The following MIA2 variants were observed in gnomAD, a reference collection of about 807,000 sequenced individuals.
The protein encoded by MIA2 is melanoma inhibitory activity protein 2.
In MIA2, 127 loss-of-function variants were observed where a neutral mutation model predicts 167.8. That is an observed-to-expected ratio of 0.76 (90% CI 0.66 to 0.88). The LOEUF is 0.88. Among genes scored for constraint, MIA2 ranks in the 40% least tolerant of loss-of-function variants. The pLI is 0.00. For missense variants in MIA2, 1,690 were observed against 1,624.7 expected (o/e 1.04, Z -0.69); for synonymous variants, 552 against 541.9 (o/e 1.02, Z -0.26).
chr14:39,384,856 A>T (rs572578674), intron 23 of MIA2, among the ~76,000 whole-genome samples: 4 of 152,146 alleles, frequency 2.6e-5, no homozygotes, highest in Non-Finnish European at 5.9e-5. Flanking sequence ...CTTAATTTTA[A>T]AGTTGGGAAA....
At chr14:39,364,900 A>G (rs2074783884) in intron 23 of MIA2, among the ~76,000 whole-genome samples, 2 of 151,598 alleles carry the variant, frequency 1.3e-5, no homozygotes, top group Admixed American at 1.3e-4. Flanking sequence ...TTGACTTTAA[A>G]CAGTTTGACT....
intron 14 of MIA2, 30 bp downstream of exon 14, chr14:39,300,016 A>G: frequency 1.9e-6 from 3 of 1,575,114 alleles, no homozygotes; most frequent in Non-Finnish European, 2.6e-6. Context: ...TTAGTGATCA[A>G]GTTGGCTAGA....
At chr14:39,267,761 G>A (rs1298277628) in intron 6 of MIA2, among the ~76,000 whole-genome samples, 1 of 152,224 alleles carries the variant, frequency 6.6e-6, no homozygotes, top group Non-Finnish European at 1.5e-5. Flanking sequence ...GAAAGCACTT[G>A]CTTAGCTGGA....
rs528362138 is a variant in MIA2 at position 39,279,341 on chromosome 14, G to A, written c.2024G>A (p.Arg675Lys). 1.2e-6 allele frequency: 2 copies of A among 1,607,108 alleles called. No individual in the cohort carries two copies. The highest frequency in any genetic ancestry group is 4.5e-5 in the East Asian group (2 of 44,784). Residue 675 changes from arginine to lysine, a missense_variant, in exon 8 of 29, where the codon AGG (arginine) becomes AAG (lysine). Physicochemically the swap from Arg to Lys is conservative, Grantham distance 26. Coordinates refer to ENST00000640607, the MANE Select transcript of MIA2 (RefSeq NM_001329214.4). Reference sequence around the variant, plus strand: ...TTTGTTAAAAATTTGTTTCAGGTTAGGAGTCGGCTTTATGTGGGTAAGTTC... The same window carrying A: ...TTTGTTAAAAATTTGTTTCAGGTTAAGAGTCGGCTTTATGTGGGTAAGTTC... ...FFLWRSFRSV[R>K]SRLYVGREKK...
At chr14:39,288,452 TATATATATATATATATATATATA>T (rs1164960996) in intron 9 of MIA2, among the ~76,000 whole-genome samples, 408 of 14,744 alleles carry the variant, frequency 0.028, 20 homozygotes, top group East Asian at 0.1. Flanking sequence ...TATATATATA[TATATATATATATATATATATATA>T]TTTTTTTTTT....
chr14:39,358,127 G>A (rs2074578181), intron 23 of MIA2, among the ~76,000 whole-genome samples: 1 of 152,134 alleles, frequency 6.6e-6, no homozygotes, highest in Non-Finnish European at 1.5e-5. Context: ...AAGTTCTCCT[G>A]GATAATATCC....
Position 39,248,095 on chromosome 14 carries a change from A to G in MIA2, c.1521A>G (p.Thr507=). ...TGEFSIDNYP[T]DNTKVMIFKS... ...AATTTTCCATTGATAATTATCCCAC[A>G]GATAATACAAAAGTTATGATATTCA... The change falls in exon 4 of 29, where the codon ACA becomes ACG. Residue 507 remains threonine (T), a synonymous_variant. Coordinates refer to ENST00000640607, the MANE Select transcript of MIA2 (RefSeq NM_001329214.4). 2 of 1,545,934 alleles carry G rather than the reference A, an allele frequency of 1.3e-6. No individual in the cohort carries two copies. The highest frequency in any genetic ancestry group is 4.4e-5 in the Admixed American group (2 of 45,228).
chr14:39,315,974 T>TA (rs1041113057), intron 21 of MIA2, among the ~76,000 whole-genome samples: 1 of 152,214 alleles, frequency 6.6e-6, no homozygotes, highest in African/African-American at 2.4e-5. Flanking sequence ...GGGAAGGTGA[T>TA]ATAATGTTCA....
chr14:39,239,668 G>A (rs2053953688), intron 2 of MIA2, among the ~76,000 whole-genome samples: 1 of 152,158 alleles, frequency 6.6e-6, no homozygotes, highest in African/African-American at 2.4e-5. Context: ...GGCAAAGAAA[G>A]CATTCTTTTT....
Position 39,314,791 on chromosome 14 carries a change from C to T in MIA2, c.3172C>T (p.Gln1058Ter), listed in dbSNP as rs536600046. ...EELERTIHSYQGQIISHEKKA... is the reference protein window; with the variant it reads ...EELERTIHSY Reference sequence around the variant, plus strand: ...ATTGGAGAGAACTATTCATTCTTATCAAGGGCAGGTATATATATATGTGTG... The same window carrying T: ...ATTGGAGAGAACTATTCATTCTTATTAAGGGCAGGTATATATATATGTGTG... The change falls in exon 20 of 29, where the codon CAA becomes TAA. Residue 1058 changes from glutamine to a stop codon, truncating the protein, a stop_gained. Coordinates refer to ENST00000640607, the MANE Select transcript of MIA2 (RefSeq NM_001329214.4). LOFTEE classifies it high-confidence loss of function. The T allele has an allele frequency of 6.6e-7, 1 of 1,526,438 alleles. No individual in the cohort carries two copies. The highest frequency in any genetic ancestry group is 8.9e-7 in the Non-Finnish European group (1 of 1,120,882). 94.6% of individuals were successfully genotyped at this position (1,526,438 alleles called of 1,614,324 possible). A position where few individuals can be genotyped will look rare whatever the true frequency, so the allele number is the denominator to read the frequency against.
rs1022668629 is a variant in MIA2 at position 39,299,519 on chromosome 14, A to C, written c.2497-345A>C. The stretch of plus-strand genomic sequence containing the variant: ...ACGAGGTTTCACCATGTTGGCCAGG[A>C]TGGTGGTATTTCTAAAGGTTAGTTA... On this transcript the variant is annotated intron_variant, in intron 13 of 28. Coordinates refer to ENST00000640607, the MANE Select transcript of MIA2 (RefSeq NM_001329214.4). Among the ~76,000 whole-genome samples the C allele has an allele frequency of 2.6e-5, 4 of 152,018 alleles. No individual in the cohort carries two copies. In the East Asian group the frequency reaches 7.7e-4, roughly 29 times the overall value.
chr14:39,375,043 G>C (rs1233518139), intron 23 of MIA2, among the ~76,000 whole-genome samples: 1 of 152,176 alleles, frequency 6.6e-6, no homozygotes, highest in African/African-American at 2.4e-5. Flanking sequence ...CCAGGGATTA[G>C]ACTTGGATTG....
At chr14:39,342,341 T>C (rs558413277) in intron 25 of MIA2, among the ~76,000 whole-genome samples, 2 of 152,256 alleles carry the variant, frequency 1.3e-5, no homozygotes, top group Non-Finnish European at 2.9e-5. Context: ...GGACATGAAC[T>C]CATCATTTTT....
Position 39,321,136 on chromosome 14 carries a change from C to G in MIA2, c.3496+80C>G, listed in dbSNP as rs538817637. The G allele has an allele frequency of 4.8e-5, 67 of 1,409,236 alleles. No homozygotes were observed. In the African/African-American group the frequency reaches 8.4e-4, roughly 18 times the overall value. The allele number at this position is 1,409,236 out of a possible 1,614,324, so 87.3% of individuals were successfully genotyped here. ...CATCTCAACTTACCTTAAAAATGAT[C>G]TGTAAAATATTTGGAAAATACAGGC... On this transcript the variant is annotated intron_variant, in intron 24 of 28. Coordinates refer to ENST00000640607, the MANE Select transcript of MIA2 (RefSeq NM_001329214.4).
intron 21 of MIA2, 43 bp downstream of exon 21, chr14:39,315,761 G>GT (rs749733036): frequency 3.3e-5 from 43 of 1,316,352 alleles, no homozygotes; most frequent in Admixed American, 2.0e-4. Context: ...CAAATTGTAT[G>GT]TTTTTTTCAG....
intron 10 of MIA2, 86 bp downstream of exon 10, chr14:39,291,182 A>G (rs2060693532): frequency 2.5e-6 from 3 of 1,213,336 alleles, no homozygotes; most frequent in Admixed American, 2.5e-5. Flanking sequence ...TCTGAAAACT[A>G]TTTGAAAAAA....
intron 6 of MIA2, among the ~76,000 whole-genome samples, chr14:39,257,629 A>T (rs900113324): frequency 1.3e-5 from 2 of 152,154 alleles, no homozygotes; most frequent in Non-Finnish European, 2.9e-5. Context: ...TGTTGTCATG[A>T]TGCTAGCTGG....
chr14:39,321,374 C>T (rs181840060), intron 24 of MIA2, among the ~76,000 whole-genome samples: 179 of 152,118 alleles, frequency 1.2e-3, no homozygotes, highest in African/African-American at 4.1e-3. Flanking sequence ...AGTGCAGTGG[C>T]GCGATCTTGG....
chr14:39,319,374 A>G (rs2066016782), intron 23 of MIA2, 83 bp downstream of exon 23: 1 of 591,590 alleles, frequency 1.7e-6, no homozygotes. Flanking sequence ...CTATTAGTGT[A>G]AGTTAACACT....
Sources: allele counts gnomAD v4.1 joint callset (sites outside exome capture counted in the v4.1 genomes callset), GRCh38; gene constraint gnomAD v4.1.1; transcripts MANE v1.5; gene names NCBI Gene and HGNC (gene_info 2026-07-23, HGNC 2026-07-21).